MMP16: variants seen among roughly 807,000 people sequenced by gnomAD.
MMP16 encodes the protein matrix metalloproteinase-16.
Under a neutral mutation model 67.8 loss-of-function variants are expected in MMP16, and 12 were observed. The ratio of observed to expected loss-of-function variants is 0.18; its 90% CI spans 0.11 to 0.29. The LOEUF is 0.29. MMP16 is among the 10% of genes least tolerant of loss of function. The pLI is 1.00. For missense variants in MMP16, 475 were observed against 765.7 expected, an observed-to-expected ratio of 0.62 and a Z score of 4.48; for synonymous variants, 249 against 255.9, an observed-to-expected ratio of 0.97 and a Z score of 0.26.
At chr8:88,077,161 A>T (rs1027027454) in intron 6 of MMP16, among the ~76,000 whole-genome samples, 2 of 152,234 alleles carry the variant, frequency 1.3e-5, no homozygotes, top group African/African-American at 4.8e-5. Flanking sequence ...GCCTTGGCAG[A>T]GAGTCATATA....
chr8:88,046,566 T>G (rs560597050), intron 9 of MMP16, 103 bp downstream of exon 9: 1 of 607,088 alleles, frequency 1.6e-6, no homozygotes, highest in South Asian at 2.5e-5. Context: ...ATTACATAGC[T>G]CTAGTATAGC....
At chr8:88,142,288 A>G (rs1344244970) in intron 4 of MMP16, among the ~76,000 whole-genome samples, 2 of 152,182 alleles carry the variant, frequency 1.3e-5, no homozygotes, top group African/African-American at 2.4e-5. Flanking sequence ...TAATCCTATT[A>G]TATTCAATCA....
intron 1 of MMP16, among the ~76,000 whole-genome samples, chr8:88,223,765 C>A (rs547979171): frequency 2.2e-4 from 33 of 151,310 alleles, no homozygotes; most frequent in Non-Finnish European, 4.4e-4. Context: ...GGGTGCAGCA[C>A]ACCAACATGG....
chr8:88,089,346 A>G (rs1160804579), intron 6 of MMP16, among the ~76,000 whole-genome samples: 1 of 152,070 alleles, frequency 6.6e-6, no homozygotes, highest in African/African-American at 2.4e-5. Flanking sequence ...GCTGAAGATT[A>G]TGGTGAACAG....
intron 1 of MMP16, among the ~76,000 whole-genome samples, chr8:88,277,806 C>G (rs1312976499): frequency 6.6e-6 from 1 of 152,122 alleles, no homozygotes; most frequent in African/African-American, 2.4e-5. Flanking sequence ...AAGATTAGCT[C>G]TATATCATTG....
At chr8:88,122,914 C>A (rs28907624) in intron 4 of MMP16, among the ~76,000 whole-genome samples, 4 of 151,658 alleles carry the variant, frequency 2.6e-5, no homozygotes, top group East Asian at 2.0e-4. Context: ...CTCCTCCCCC[C>A]ACCCCTGCCT....
intron 8 of MMP16, among the ~76,000 whole-genome samples, 185 bp from the exon 9 acceptor site, chr8:88,046,969 C>A (rs1267610459): frequency 6.6e-6 from 1 of 152,106 alleles, no homozygotes; most frequent in Non-Finnish European, 1.5e-5. Context: ...ACTGAAAATA[C>A]AATGGGCATA....
At chr8:88,100,907 C>G (rs1236614275) in intron 6 of MMP16, among the ~76,000 whole-genome samples, 1 of 149,372 alleles carries the variant, frequency 6.7e-6, no homozygotes, top group Admixed American at 6.8e-5. Flanking sequence ...TGTTCTCACT[C>G]ATAGGTGGGA....
At chr8:88,103,278 T>A (rs1162098651) in intron 6 of MMP16, among the ~76,000 whole-genome samples, 1 of 151,802 alleles carries the variant, frequency 6.6e-6, no homozygotes, top group Admixed American at 6.6e-5. Flanking sequence ...TTACAGAACA[T>A]AACAATGCAT....
At chr8:88,203,898 A>C (rs538904290) in intron 1 of MMP16, among the ~76,000 whole-genome samples, 1 of 152,320 alleles carries the variant, frequency 6.6e-6, no homozygotes, top group South Asian at 2.1e-4. Context: ...TTGGGATATG[A>C]GAAACAAAAA....
At chr8:88,304,594 G>A (rs1044552503) in intron 1 of MMP16, among the ~76,000 whole-genome samples, 1 of 152,152 alleles carries the variant, frequency 6.6e-6, no homozygotes, top group East Asian at 1.9e-4. Flanking sequence ...CTAACAGCAG[G>A]CCTCTTAGTG....
chr8:88,287,458 T>C (rs181826029), intron 1 of MMP16, among the ~76,000 whole-genome samples: 1 of 152,334 alleles, frequency 6.6e-6, no homozygotes, highest in Admixed American at 6.5e-5. Context: ...AAGTGCATCT[T>C]CTTCATAGCA....
intron 2 of MMP16, among the ~76,000 whole-genome samples, chr8:88,190,236 G>A (rs2129764169): frequency 6.6e-6 from 1 of 152,214 alleles, no homozygotes; most frequent in East Asian, 1.9e-4. Flanking sequence ...ACCAATATTT[G>A]TATCTAAACA....
chr8:88,264,191 T>TAC (rs796512860), intron 1 of MMP16, among the ~76,000 whole-genome samples: 47 of 150,848 alleles, frequency 3.1e-4, no homozygotes, highest in South Asian at 1.5e-3. Context: ...CGTGCACACA[T>TAC]ACACACACAC....
chr8:88,134,756 A>G (rs2118484725), intron 4 of MMP16, among the ~76,000 whole-genome samples: 1 of 151,178 alleles, frequency 6.6e-6, no homozygotes, highest in African/African-American at 2.4e-5. Flanking sequence ...TTTTTCTACT[A>G]CCTTGCTTGG....
At chr8:88,099,643 A>G (rs371339561) in intron 6 of MMP16, among the ~76,000 whole-genome samples, 1 of 151,868 alleles carries the variant, frequency 6.6e-6, no homozygotes, top group East Asian at 2.0e-4. Context: ...AAAGCCACGT[A>G]TCCTGACTTT....
At chr8:88,306,637 G>C (rs1811215695) in intron 1 of MMP16, among the ~76,000 whole-genome samples, 1 of 152,048 alleles carries the variant, frequency 6.6e-6, no homozygotes, top group African/African-American at 2.4e-5. Flanking sequence ...ATGCAAATCA[G>C]TAAATGTGAT....
intron 1 of MMP16, among the ~76,000 whole-genome samples, chr8:88,241,535 CTTTT>C (rs1337009174): frequency 2.0e-5 from 3 of 151,874 alleles, no homozygotes; most frequent in African/African-American, 7.2e-5. Context: ...TTTTCTCTTT[CTTTT>C]TTAAAAATTA....
In MMP16 at chr8:88,040,678, G is replaced by A. The variant is rs963521980; in HGVS notation, c.*783C>T. On this transcript the variant is annotated 3_prime_UTR_variant, in exon 10 of 10. Transcript: ENST00000286614. ...ATACTTCAAAAACAATTAAAAGGTC[G>A]TGTTTGAAAATAGCTATGAATATAA... is the stretch of plus-strand genomic sequence containing the variant. The A allele has an allele frequency of 2.6e-5, 4 of 152,698 alleles. No individual in the cohort carries two copies. Among genetic ancestry groups the A allele is most frequent in the African/African-American group, 9.6e-5 (4 of 41,566 alleles). 9.5% of individuals were successfully genotyped at this position (152,698 alleles called of 1,614,324 possible).
Sources: gnomAD v4.1 joint callset for allele counts (sites outside exome capture counted in the v4.1 genomes callset) on GRCh38, gnomAD v4.1.1 for gene constraint, MANE v1.5 for transcripts, NCBI Gene and HGNC (gene_info 2026-07-23, HGNC 2026-07-21) for gene names.